Variants in SVOP observed in about 807,000 individuals in gnomAD.
SVOP encodes the protein synaptic vesicle 2-related protein.
SVOP carries 17 observed loss-of-function variants against 69.1 expected under a neutral mutation model. The observed-to-expected ratio is 0.25, with a 90% CI of 0.17 to 0.37. The LOEUF (loss-of-function observed/expected upper bound fraction) is 0.37, where lower values mean the gene tolerates loss of function less well. SVOP is among the 10% of genes least tolerant of loss of function. SVOP has a pLI of 1.00. For missense variants in SVOP, 435 were observed against 597.5 expected (o/e 0.73, Z 2.84); for synonymous variants, 238 against 238.6 (o/e 1.00, Z 0.02).
Position 108,945,169 on chromosome 12 carries a change from G to T in SVOP, c.579-3C>A. On this transcript the variant is annotated splice_polypyrimidine_tract_variant and splice_region_variant and intron_variant, in intron 6 of 15. Coordinates refer to ENST00000610966, the MANE Select transcript of SVOP (RefSeq NM_018711.5). ...GGAACTCGGCATACAGCGTCACCCT[G>T]GGAATGTAAAAGGGAAAGAAAGGGA... 6.5e-7 allele frequency: 1 copy of T among 1,537,028 alleles called. No individual in the cohort carries two copies. Among genetic ancestry groups the T allele is most frequent in the South Asian group, 1.2e-5 (1 of 84,044 alleles).
At chr12:108,941,067 G>T (rs1166988561) in intron 7 of SVOP, among the ~76,000 whole-genome samples, 158 bp from the exon 8 acceptor site, 1 of 152,148 alleles carries the variant, frequency 6.6e-6, no homozygotes. Flanking sequence ...ATATGGTTGG[G>T]CCAGGGCTGC....
chr12:108,982,909 T>TATA (rs1555252312), intron 2 of SVOP, among the ~76,000 whole-genome samples: 1 of 131,900 alleles, frequency 7.6e-6, no homozygotes, highest in Non-Finnish European at 1.7e-5. Context: ...TTGCCATCCT[T>TATA]ATCATCTTTC....
chr12:109,015,013 C>T (rs1322457198), intron 1 of SVOP, among the ~76,000 whole-genome samples: 2 of 152,190 alleles, frequency 1.3e-5, no homozygotes, highest in African/African-American at 4.8e-5. Flanking sequence ...GCTTGAACCA[C>T]CATGCCCAGC....
chr12:109,021,058 G>C lies in SVOP; in HGVS notation c.-190C>G. 1.8e-6 allele frequency: 1 copy of C among 566,084 alleles called. No individual in the cohort carries two copies. The allele number at this position is 566,084 out of a possible 1,614,324, so 35.1% of individuals were successfully genotyped here. A position where few individuals can be genotyped will look rare whatever the true frequency, so the allele number is the denominator to read the frequency against. Reference sequence around the variant, plus strand: ...ACAAAGCCTCCGCCGCCAGGAGACCGCGGCGAGAGTGGGCGGAGAAGAGGA... The same window carrying C: ...ACAAAGCCTCCGCCGCCAGGAGACCCCGGCGAGAGTGGGCGGAGAAGAGGA... On this transcript the variant is annotated 5_prime_UTR_variant, in exon 1 of 16. Coordinates refer to ENST00000610966, the MANE Select transcript of SVOP (RefSeq NM_018711.5).
chr12:108,966,241 G>C (rs1361655271), intron 5 of SVOP, among the ~76,000 whole-genome samples: 1 of 152,176 alleles, frequency 6.6e-6, no homozygotes, highest in East Asian at 1.9e-4. Flanking sequence ...CTGAAGCTCA[G>C]AGAGGTGAAG....
At chr12:108,942,604 G>A (rs750043656) in intron 7 of SVOP, among the ~76,000 whole-genome samples, 4 of 152,206 alleles carry the variant, frequency 2.6e-5, no homozygotes, top group East Asian at 3.9e-4. Flanking sequence ...CAGAGCAGTC[G>A]TGGCTGGCTG....
At chr12:108,932,630 A>G (rs923264143) in intron 11 of SVOP, among the ~76,000 whole-genome samples, 2 of 152,162 alleles carry the variant, frequency 1.3e-5, no homozygotes, top group Non-Finnish European at 2.9e-5. Context: ...GGGACCCCAG[A>G]GAAACCTGAA....
rs1466626352 is a variant in SVOP, at chr12:108,952,424, TG to T, written c.579-7259del. ...TAATTTTTATATTTTTTAGTAGAGA[TG>T]GGGTTTTGCCATGTTGTACAGGCTG... On this transcript the variant is annotated intron_variant, in intron 6 of 15. Transcript: ENST00000610966. Among the ~76,000 whole-genome samples, 7 of 151,944 alleles carry T rather than the reference TG, an allele frequency of 4.6e-5. No homozygotes were observed. The East Asian group carries it at 1.4e-3, about 29-fold the overall frequency.
Position 108,948,656 on chromosome 12 carries a change from G to A in SVOP, c.579-3490C>T, listed in dbSNP as rs867843616. ...TCTTTGTCTTCACATTGTTTCCTTA[G>A]GACAGATCCCCCTAAGTAGAATTTG... On this transcript the variant is annotated intron_variant, in intron 6 of 15. Coordinates refer to ENST00000610966, the MANE Select transcript of SVOP (RefSeq NM_018711.5). Among the ~76,000 whole-genome samples the A allele has an allele frequency of 6.6e-5, 10 of 152,208 alleles. No individual in the cohort carries two copies. The South Asian group carries it at 1.9e-3, about 28-fold the overall frequency.
rs2039674247 is a variant in SVOP at position 108,910,285 on chromosome 12, C to G, written c.*2250G>C. The G allele has an allele frequency of 6.6e-6, 1 of 152,164 alleles. No homozygotes were observed. Among genetic ancestry groups the G allele is most frequent in the Admixed American group, 6.6e-5 (1 of 15,258 alleles). 9.4% of individuals were successfully genotyped at this position (152,164 alleles called of 1,614,324 possible). A position where few individuals can be genotyped will look rare whatever the true frequency, so the allele number is the denominator to read the frequency against. On this transcript the variant is annotated 3_prime_UTR_variant, in exon 16 of 16. Transcript: ENST00000610966. ...CAGGAGTTTTTAACTTTCACTTTCT[C>G]AAGTAGAGAAGGCCCTCAACTGTAA...
At chr12:108,984,300 G>T (rs1404355900) in intron 1 of SVOP, among the ~76,000 whole-genome samples, 4 of 152,290 alleles carry the variant, frequency 2.6e-5, no homozygotes, top group South Asian at 4.1e-4. Flanking sequence ...TTACAGGTGT[G>T]AGCTACCACG....
At chr12:108,915,709 G>A (rs142469369) in intron 15 of SVOP, 74 bp downstream of exon 15, 867 of 1,457,590 alleles carry the variant, frequency 5.9e-4, no homozygotes, top group Admixed American at 2.4e-3. Flanking sequence ...GGGGACAGTC[G>A]GCATGTAGTA....
intron 11 of SVOP, among the ~76,000 whole-genome samples, chr12:108,923,095 G>A (rs2039760024): frequency 6.6e-6 from 1 of 152,212 alleles, no homozygotes; most frequent in African/African-American, 2.4e-5. Flanking sequence ...CACGTAGTAG[G>A]CACTTTAGTG....
intron 9 of SVOP, 108 bp from the exon 10 acceptor site, chr12:108,937,445 T>C: frequency 9.5e-7 from 1 of 1,051,142 alleles, no homozygotes; most frequent in Non-Finnish European, 1.5e-6. Flanking sequence ...AGGTTTCTAG[T>C]AAGTAGGACA....
chr12:108,969,263 C>T lies in SVOP; in HGVS notation c.453+3142G>A, dbSNP rs138889528. Among the ~76,000 whole-genome samples, 314 of 150,802 alleles carry T rather than the reference C, an allele frequency of 2.1e-3. 1 individual carries two copies. Among genetic ancestry groups the T allele is most frequent in the Non-Finnish European group, 3.1e-3 (209 of 67,542 alleles). On this transcript the variant is annotated intron_variant, in intron 5 of 15. Coordinates refer to ENST00000610966, the MANE Select transcript of SVOP (RefSeq NM_018711.5). Reference sequence around the variant, plus strand: ...CTCCTCCTTCCCTCCCTCCTTTCTTCCTTTTTTCTTCCTTCTCCCCCTTCC... The same window carrying T: ...CTCCTCCTTCCCTCCCTCCTTTCTTTCTTTTTTCTTCCTTCTCCCCCTTCC...
chr12:108,925,898 C>T (rs772426991), intron 11 of SVOP, among the ~76,000 whole-genome samples: 1 of 151,368 alleles, frequency 6.6e-6, no homozygotes, highest in Non-Finnish European at 1.5e-5. Flanking sequence ...ACCACTGCCC[C>T]TTTATCTGCC....
In SVOP at chr12:108,962,027, T is replaced by C. The variant is rs572946153; in HGVS notation, c.454-980A>G. ...AGTTTCCTGTGCGGGCAAACTCATT[T>C]TGAAGTTATTTTAATGAATGACATA... On this transcript the variant is annotated intron_variant, in intron 5 of 15. Transcript: ENST00000610966. 1.6e-4 allele frequency among the ~76,000 whole-genome samples: 24 copies of C among 152,210 alleles called. 1 individual carries two copies. The highest frequency in any genetic ancestry group is 2.5e-4 in the Non-Finnish European group (17 of 68,030).
intron 6 of SVOP, among the ~76,000 whole-genome samples, chr12:108,953,837 C>T (rs1347255091): frequency 2.6e-5 from 4 of 151,990 alleles, no homozygotes; most frequent in East Asian, 1.9e-4. Context: ...TTAGGCTGGG[C>T]GTGGTGGCTG....
In SVOP at chr12:108,911,430, C is replaced by G. The variant is rs117007582; in HGVS notation, c.*1105G>C. On this transcript the variant is annotated 3_prime_UTR_variant, in exon 16 of 16. Coordinates refer to ENST00000610966, the MANE Select transcript of SVOP (RefSeq NM_018711.5). ...TCCCCTCAAGAGTCATCATTCAGGC[C>G]GGGTGCAGTGGCTCCCACCTGTAAT... is the stretch of plus-strand genomic sequence containing the variant. 1 of 152,124 alleles carries G rather than the reference C, an allele frequency of 6.6e-6. No homozygotes were observed. Among genetic ancestry groups the G allele is most frequent in the African/African-American group, 2.4e-5 (1 of 41,380 alleles). 9.4% of individuals were successfully genotyped at this position (152,124 alleles called of 1,614,324 possible).
Sources: gnomAD v4.1 joint callset for allele counts (sites outside exome capture counted in the v4.1 genomes callset) on GRCh38, gnomAD v4.1.1 for gene constraint, MANE v1.5 for transcripts, NCBI Gene and HGNC (gene_info 2026-07-23, HGNC 2026-07-21) for gene names.